The following SEMA6B variants were observed in gnomAD, a reference collection of about 807,000 sequenced individuals.
SEMA6B encodes semaphorin-6B.
Under a neutral mutation model 78.6 loss-of-function variants are expected in SEMA6B, and 47 were observed. The ratio of observed to expected loss-of-function variants is 0.60; its 90% CI spans 0.47 to 0.76. The LOEUF (loss-of-function observed/expected upper bound fraction) is 0.76. Among genes scored for constraint, SEMA6B ranks in the 30% least tolerant of loss-of-function variants. SEMA6B has a pLI of 0.00. For synonymous variants in SEMA6B, 632 were observed against 592.2 expected (o/e 1.07, Z -0.98); for missense variants, 1,213 against 1,269.9 (o/e 0.96, Z 0.68).
rs531142114 is a variant in SEMA6B, at chr19:4,542,966, C to T, written c.*635G>A. Reference sequence around the variant, plus strand: ...CCCCCGGGCCTTCTGGAAGCCCCAGCGTCGGCTCAGCCAACGCCCAGGCCG... The same window carrying T: ...CCCCCGGGCCTTCTGGAAGCCCCAGTGTCGGCTCAGCCAACGCCCAGGCCG... On this transcript the variant is annotated 3_prime_UTR_variant, in exon 17 of 17. Coordinates refer to ENST00000586582, the MANE Select transcript of SEMA6B (RefSeq NM_032108.4). 247 of 700,224 alleles carry T rather than the reference C, an allele frequency of 3.5e-4. No individual in the cohort carries two copies. In the African/African-American group the frequency reaches 3.9e-3, roughly 11 times the overall value. 43.4% of individuals were successfully genotyped at this position (700,224 alleles called of 1,614,324 possible). A position where few individuals can be genotyped will look rare whatever the true frequency, so the allele number is the denominator to read the frequency against.
intron 16 of SEMA6B, among the ~76,000 whole-genome samples, chr19:4,545,221 A>G (rs1977133562): frequency 6.6e-6 from 1 of 151,534 alleles, no homozygotes; most frequent in African/African-American, 2.4e-5. Flanking sequence ...TGCGCCTGTA[A>G]TCTCAGCTAC....
In SEMA6B at chr19:4,558,433, G is replaced by C; in HGVS notation, c.25C>G (p.Pro9Ala). 2 of 1,254,620 alleles carry C rather than the reference G, an allele frequency of 1.6e-6. No individual in the cohort carries two copies. The highest frequency in any genetic ancestry group is 2.0e-6 in the Non-Finnish European group (2 of 992,890). The allele number at this position is 1,254,620 out of a possible 1,614,324, so 77.7% of individuals were successfully genotyped here. A position where few individuals can be genotyped will look rare whatever the true frequency, so the allele number is the denominator to read the frequency against. ...AGCAGAAGCAGCAGGGCCGGGCGGG[G>C]AGGGGACGCTCGCGGGGTCTGCATG... is the stretch of plus-strand genomic sequence containing the variant. MQTPRASP[P>A]RPALLLLLLL... Residue 9 changes from proline (P) to alanine (A), a missense_variant, in exon 2 of 17, where the codon CCC (proline) becomes GCC (alanine). By Grantham distance (27) the Pro-to-Ala change is conservative (BLOSUM62 -1). Coordinates refer to ENST00000586582, the MANE Select transcript of SEMA6B (RefSeq NM_032108.4). The surrounding 1 kb of genome is among the most constrained non-coding windows in gnomAD (Gnocchi z 5.1).
At chr19:4,547,888 G>T in intron 14 of SEMA6B, 139 bp downstream of exon 14, 1 of 1,090,860 alleles carries the variant, frequency 9.2e-7, no homozygotes. Context: ...TCCTGCCCGC[G>T]GGCCTTTGCA....
rs1055032094 is a variant in SEMA6B at position 4,558,597 on chromosome 19, G to T, written c.-32-108C>A. On this transcript the variant is annotated intron_variant, in intron 1 of 16. Coordinates refer to ENST00000586582, the MANE Select transcript of SEMA6B (RefSeq NM_032108.4). This position sits in a 1 kb window ranked among gnomAD's most constrained non-coding sequence, Gnocchi z 5.1. ...TTCAAATCCCAGAAAAATTCCTCAC[G>T]GGGATAATAATTAATAAAAACAATA... 1.1e-5 allele frequency: 6 copies of T among 533,666 alleles called. No individual in the cohort carries two copies. In the East Asian group the frequency reaches 1.4e-4, roughly 12 times the overall value. The allele number at this position is 533,666 out of a possible 1,614,324, so 33.1% of individuals were successfully genotyped here. A position where few individuals can be genotyped will look rare whatever the true frequency, so the allele number is the denominator to read the frequency against.
Position 4,552,461 on chromosome 19 carries a change from C to G in SEMA6B, c.950G>C (p.Arg317Pro). 2 of 1,605,130 alleles carry G rather than the reference C, an allele frequency of 1.2e-6. No individual in the cohort carries two copies. Among genetic ancestry groups the G allele is most frequent in the Non-Finnish European group, 1.7e-6 (2 of 1,176,516 alleles). ...GGAAAAAACGGCCAGGACCACGGGC[C>G]GGCCCCCGAGGCTGACCACGCCCGT... ...AVTGVVSLGG[R>P]PVVLAVFSTP... Residue 317 changes from arginine (R) to proline (P), a missense_variant, in exon 10 of 17, where the codon CGG (arginine) becomes CCG (proline). Arg to Pro is a moderately radical substitution (Grantham distance 103, BLOSUM62 -2). Coordinates refer to ENST00000586582, the MANE Select transcript of SEMA6B (RefSeq NM_032108.4). The surrounding 1 kb of genome is among the most constrained non-coding windows in gnomAD (Gnocchi z 7.4).
rs753714536 is a variant in SEMA6B at position 4,542,713 on chromosome 19, C to A, written c.*888G>T. 1 of 682,504 alleles carries A rather than the reference C, an allele frequency of 1.5e-6. No homozygotes were observed. Among genetic ancestry groups the A allele is most frequent in the South Asian group, 1.5e-5 (1 of 65,424 alleles). The allele number at this position is 682,504 out of a possible 1,614,324, so 42.3% of individuals were successfully genotyped here. Reference sequence around the variant, plus strand: ...CAGCTGGAGGTCAGAGGGGGGAGGTCACAAGGGGACGGGTGGCATGGGACT... The same window carrying A: ...CAGCTGGAGGTCAGAGGGGGGAGGTAACAAGGGGACGGGTGGCATGGGACT... On this transcript the variant is annotated 3_prime_UTR_variant, in exon 17 of 17. Transcript: ENST00000586582.
rs1568250543 is a variant in SEMA6B at position 4,542,798 on chromosome 19, G to T, written c.*803C>A. ...CCCCACCCACCTTCGCCGCCCCCCA[G>T]GCCCCCAAGCCCTTTAGACAGCTGC... is the stretch of plus-strand genomic sequence containing the variant. On this transcript the variant is annotated 3_prime_UTR_variant, in exon 17 of 17. Coordinates refer to ENST00000586582, the MANE Select transcript of SEMA6B (RefSeq NM_032108.4). The T allele has an allele frequency of 1.4e-6, 1 of 698,444 alleles. No homozygotes were observed. The highest frequency in any genetic ancestry group is 2.7e-5 in the East Asian group (1 of 37,110). 43.3% of individuals were successfully genotyped at this position (698,444 alleles called of 1,614,324 possible). A position where few individuals can be genotyped will look rare whatever the true frequency, so the allele number is the denominator to read the frequency against.
chr19:4,550,012 T>C lies in SEMA6B; in HGVS notation c.1271+111A>G. The C allele has an allele frequency of 3.9e-6, 4 of 1,019,820 alleles. No homozygotes were observed. The highest frequency in any genetic ancestry group is 5.8e-6 in the Non-Finnish European group (4 of 693,144). 63.2% of individuals were successfully genotyped at this position (1,019,820 alleles called of 1,614,324 possible). ...CTGTCTCTCTGTGTCTCCAGCTCTC[T>C]GGGCAGCGCCGGAAGCCATGGGCTC... On this transcript the variant is annotated intron_variant, in intron 12 of 16. Transcript: ENST00000586582. This position sits in a 1 kb window ranked among gnomAD's most constrained non-coding sequence, Gnocchi z 6.6.
rs1243687274 is a variant in SEMA6B at position 4,555,464 on chromosome 19, G to A, written c.562+10C>T. ...GGGGCTGATCAGATGGAGGTTGGGG[G>A]GGTACTTACCAGAGAAGAGGGCAAC... On this transcript the variant is annotated intron_variant, in intron 7 of 16. Transcript: ENST00000586582. The surrounding 1 kb of genome is among the most constrained non-coding windows in gnomAD (Gnocchi z 6.1). 6.2e-7 allele frequency: 1 copy of A among 1,607,952 alleles called. No homozygotes were observed. The highest frequency in any genetic ancestry group is 8.5e-7 in the Non-Finnish European group (1 of 1,176,586).
At chr19:4,546,898 G>A (rs1463360847) in intron 14 of SEMA6B, among the ~76,000 whole-genome samples, 1 of 151,822 alleles carries the variant, frequency 6.6e-6, no homozygotes, top group African/African-American at 2.4e-5. Flanking sequence ...TTACAGGTGT[G>A]AGCCACCACG....
chr19:4,556,119 C>T (rs780779578), intron 5 of SEMA6B, 30 bp from the exon 6 acceptor site: 1 of 1,520,974 alleles, frequency 6.6e-7, no homozygotes, highest in African/African-American at 1.4e-5. Context: ...AAGCGGGGAG[C>T]GCGATGTGGG....
Position 4,544,825 on chromosome 19 carries a change from G to A in SEMA6B, c.1739-296C>T, listed in dbSNP as rs1977124626. Among the ~76,000 whole-genome samples, 1 of 151,954 alleles carries A rather than the reference G, an allele frequency of 6.6e-6. No homozygotes were observed. The highest frequency in any genetic ancestry group is 1.5e-5 in the Non-Finnish European group (1 of 67,984). On this transcript the variant is annotated intron_variant, in intron 16 of 16. Transcript: ENST00000586582. The surrounding 1 kb of genome is among the most constrained non-coding windows in gnomAD (Gnocchi z 5.1). ...TAATTTTTGTATTTTTAGTAGGATG[G>A]GGTTTCACCACGTTGGCCAGGCTGG...
chr19:4,544,018 G>C lies in SEMA6B; in HGVS notation c.2250C>G (p.Leu750=), dbSNP rs1977094799. The C allele has an allele frequency of 3.3e-6, 4 of 1,215,938 alleles. No homozygotes were observed. Among genetic ancestry groups the C allele is most frequent in the Admixed American group, 8.8e-5 (2 of 22,782 alleles). 75.3% of individuals were successfully genotyped at this position (1,215,938 alleles called of 1,614,324 possible). A position where few individuals can be genotyped will look rare whatever the true frequency, so the allele number is the denominator to read the frequency against. ...PLLPASASSS[L]LLLAPARAPE... is the part of the protein sequence containing the mutation. ...GGGCCCGGGCGGGCGCCAGCAGCAG[G>C]AGGGAGGATGAAGCGGAGGCCGGGA... is the stretch of plus-strand genomic sequence containing the variant. The change falls in exon 17 of 17, where the codon CTC becomes CTG. Residue 750 remains leucine, a synonymous_variant. Transcript: ENST00000586582. The surrounding 1 kb of genome is among the most constrained non-coding windows in gnomAD (Gnocchi z 5.1).
intron 16 of SEMA6B, among the ~76,000 whole-genome samples, chr19:4,545,449 C>T (rs1168348374): frequency 1.3e-5 from 2 of 151,992 alleles, no homozygotes; most frequent in African/African-American, 2.4e-5. Flanking sequence ...GCGATCCTCC[C>T]GCCTCAGCCT....
intron 12 of SEMA6B, 108 bp from the exon 13 acceptor site, chr19:4,548,553 A>G (rs1977235405): frequency 3.0e-6 from 3 of 997,260 alleles, no homozygotes; most frequent in South Asian, 3.0e-5. Context: ...ACACACCAAC[A>G]CATGTGACAG....
chr19:4,556,551 G>A (rs1031318220), intron 5 of SEMA6B, among the ~76,000 whole-genome samples: 25 of 150,788 alleles, frequency 1.7e-4, no homozygotes, highest in African/African-American at 6.1e-4. Flanking sequence ...GGACTGATAG[G>A]GGAGGGGTCG....
intron 5 of SEMA6B, among the ~76,000 whole-genome samples, chr19:4,556,522 G>A (rs1367260574): frequency 1.2e-4 from 17 of 141,256 alleles, no homozygotes; most frequent in African/African-American, 4.2e-4. Context: ...GGGGCGGGCC[G>A]GGGGCGTGGG....
chr19:4,549,620 A>G (rs1444264736), intron 12 of SEMA6B, among the ~76,000 whole-genome samples: 1 of 152,150 alleles, frequency 6.6e-6, no homozygotes, highest in Non-Finnish European at 1.5e-5. Context: ...CTGGGACTAC[A>G]GGCGCCTGCC....
Position 4,543,789 on chromosome 19 carries a change from C to A in SEMA6B, c.2479G>T (p.Gly827Cys). 8.2e-7 allele frequency: 1 copy of A among 1,220,020 alleles called. No homozygotes were observed. Among genetic ancestry groups the A allele is most frequent in the Non-Finnish European group, 1.0e-6 (1 of 980,884 alleles). The allele number at this position is 1,220,020 out of a possible 1,614,324, so 75.6% of individuals were successfully genotyped here. ...GGGCCCAGTGGCCTCCTCAGGCTGCCCGTCGGGGGCGGGCTCCAGGGCCGC... is the reference window on the plus strand; with the variant it reads ...GGGCCCAGTGGCCTCCTCAGGCTGCACGTCGGGGGCGGGCTCCAGGGCCGC... ...LPRPWSPPPT[G>C]SLRRPLGPHA... The change falls in exon 17 of 17, where the codon GGC becomes TGC. Residue 827 changes from glycine to cysteine, a missense_variant. By Grantham distance (159) the Gly-to-Cys change is radical. Transcript: ENST00000586582.
Sources: gnomAD v4.1 joint callset for allele counts (sites outside exome capture counted in the v4.1 genomes callset) on GRCh38, gnomAD v4.1.1 for gene constraint, Gnocchi (gnomAD v3.1) non-coding constraint, MANE v1.5 for transcripts, NCBI Gene and HGNC (gene_info 2026-07-23, HGNC 2026-07-21) for gene names.